Variants in CIZ1 observed in about 807,000 individuals in gnomAD.
The protein encoded by CIZ1 is CDKN1A interacting zinc finger protein 1, also known as cip1-interacting zinc finger protein.
A neutral mutation model predicts 118.6 loss-of-function variants in CIZ1; 58 were observed. The ratio of observed to expected loss-of-function variants is 0.49; its 90% CI spans 0.40 to 0.61. The LOEUF is 0.61. Ranked by LOEUF, CIZ1 falls within the 20% of genes least tolerant of loss-of-function variation. CIZ1 has a pLI of 0.00. For synonymous variants in CIZ1, 448 were observed against 443.4 expected (o/e 1.01, Z -0.13); for missense variants, 921 against 1,115.9 (o/e 0.83, Z 2.49).
chr9:128,184,028 A>C (rs1328754392), intron 5 of CIZ1, among the ~76,000 whole-genome samples: 1 of 152,236 alleles, frequency 6.6e-6, no homozygotes, highest in Non-Finnish European at 1.5e-5. Context: ...TCAGCCTCCC[A>C]AAGTGTTGGG....
chr9:128,182,308 C>T, intron 5 of CIZ1, among the ~76,000 whole-genome samples: 1 of 152,148 alleles, frequency 6.6e-6, no homozygotes, highest in Non-Finnish European at 1.5e-5. Context: ...TCTCTCGTCG[C>T]CGCACACAGG....
At chr9:128,171,911 A>G (rs536064737) in intron 11 of CIZ1, among the ~76,000 whole-genome samples, 4 of 152,016 alleles carry the variant, frequency 2.6e-5, no homozygotes, top group Non-Finnish European at 5.9e-5. Flanking sequence ...ATGTTGAAAG[A>G]TATAAGAAAA....
At position 128,169,120 on chromosome 9, in the gene CIZ1, C is replaced by T. The variant is rs761182009; in HGVS notation, c.2227G>A (p.Asp743Asn). 1 of 1,614,180 alleles carries T rather than the reference C, an allele frequency of 6.2e-7. No individual in the cohort carries two copies. Among genetic ancestry groups the T allele is most frequent in the Non-Finnish European group, 8.5e-7 (1 of 1,180,006 alleles). The change falls in exon 14 of 17, where the codon GAT becomes AAT. Residue 743 changes from aspartate (D) to asparagine (N), a missense_variant. By Grantham distance (23) the Asp-to-Asn change is conservative. Coordinates refer to ENST00000372938, the MANE Select transcript of CIZ1 (RefSeq NM_001131016.2). ...TCATCATCCTCTTCCTCTTCTTCAT[C>T]ACCCTCGAAGCAACCCACAGCGTCC... is the stretch of plus-strand genomic sequence containing the variant. ...TVDAVGCFEG[D>N]EEEEEDDEDE...
At chr9:128,200,324 A>G (rs1833481429) in intron 1 of CIZ1, 1 of 152,066 alleles carries the variant, frequency 6.6e-6, no homozygotes, top group Non-Finnish European at 1.5e-5. Flanking sequence ...GTCTGGTTTT[A>G]CAATAAGTTT....
intron 5 of CIZ1, among the ~76,000 whole-genome samples, chr9:128,184,478 G>A (rs890255068): frequency 1.4e-5 from 2 of 146,544 alleles, no homozygotes; most frequent in Admixed American, 7.2e-5. Context: ...TATTTCTACT[G>A]GGCAGTGCTG....
At chr9:128,169,548 G>A (rs1295423906) in intron 12 of CIZ1, 29 bp from the exon 13 acceptor site, 2 of 1,610,244 alleles carry the variant, frequency 1.2e-6, no homozygotes. Context: ...ACCAAGCAGT[G>A]TCCCCAGCTG....
chr9:128,174,816 G>A (rs1326853683), intron 11 of CIZ1, among the ~76,000 whole-genome samples: 2 of 152,098 alleles, frequency 1.3e-5, no homozygotes, highest in African/African-American at 4.8e-5. Flanking sequence ...GCACCACCAT[G>A]CCCAGCTAAT....
rs796681698 is a variant in CIZ1 at position 128,172,172 on chromosome 9, A to AG, written c.1944-2066_1944-2065insC. On this transcript the variant is annotated intron_variant, in intron 11 of 16. Coordinates refer to ENST00000372938, the MANE Select transcript of CIZ1 (RefSeq NM_001131016.2). ...CAAAAAAAAAAAAAAAAAAAAAAAAAAAAAAGAAAAAAGAAAAGCCAAATA... is the reference window on the plus strand; with the variant it reads ...CAAAAAAAAAAAAAAAAAAAAAAAAAGAAAAAGAAAAAAGAAAAGCCAAATA... Among the ~76,000 whole-genome samples the AG allele has an allele frequency of 2.5e-3, 305 of 121,368 alleles. 35 individuals carry two copies. The highest frequency in any genetic ancestry group is 7.6e-3 in the African/African-American group (239 of 31,638). The allele number at this position is 121,368 out of a possible 152,430, so 79.6% of individuals were successfully genotyped here. A position where few individuals can be genotyped will look rare whatever the true frequency, so the allele number is the denominator to read the frequency against.
intron 3 of CIZ1, among the ~76,000 whole-genome samples, chr9:128,188,830 C>T (rs982587211): frequency 2.0e-5 from 3 of 151,672 alleles, no homozygotes; most frequent in African/African-American, 7.3e-5. Context: ...GACAGGGTCT[C>T]GCTCTGTTGC....
At chr9:128,169,882 C>A in intron 12 of CIZ1, 138 bp downstream of exon 12, 1 of 984,734 alleles carries the variant, frequency 1.0e-6, no homozygotes, top group Non-Finnish European at 1.5e-6. Context: ...AAGACTGACT[C>A]CTCCAGAAAC....
chr9:128,191,402 C>G lies in CIZ1; in HGVS notation c.-6+30G>C, dbSNP rs996199534. On this transcript the variant is annotated intron_variant, in intron 1 of 16. Coordinates refer to ENST00000372938, the MANE Select transcript of CIZ1 (RefSeq NM_001131016.2). This position sits in a 1 kb window ranked among gnomAD's most constrained non-coding sequence, Gnocchi z 5.5. ...GACACAGCCAGCTCGCAGGCGGAGC[C>G]CCACGACCCAGCCGCCCCCGGCCCC... is the stretch of plus-strand genomic sequence containing the variant. 4.6e-6 allele frequency: 4 copies of G among 870,222 alleles called. No individual in the cohort carries two copies. Among genetic ancestry groups the G allele is most frequent in the Middle Eastern group, 5.8e-4 (1 of 1,716 alleles). 53.9% of individuals were successfully genotyped at this position (870,222 alleles called of 1,614,324 possible).
chr9:128,191,336 C>G lies in CIZ1; in HGVS notation c.-6+96G>C. On this transcript the variant is annotated intron_variant, in intron 1 of 16. Transcript: ENST00000372938. The surrounding 1 kb of genome is among the most constrained non-coding windows in gnomAD (Gnocchi z 5.5). The stretch of plus-strand genomic sequence containing the variant: ...TCCACCACCGCCACCTCCTCGCGCC[C>G]CACTCCGCCCGCTCCCACCCCGCCA... 2.6e-6 allele frequency: 1 copy of G among 381,504 alleles called. No homozygotes were observed. Among genetic ancestry groups the G allele is most frequent in the Non-Finnish European group, 3.6e-6 (1 of 274,060 alleles). The allele number at this position is 381,504 out of a possible 1,614,324, so 23.6% of individuals were successfully genotyped here.
At chr9:128,190,560 G>C in intron 2 of CIZ1, 116 bp from the exon 3 acceptor site, 1 of 1,376,604 alleles carries the variant, frequency 7.3e-7, no homozygotes, top group Middle Eastern at 2.2e-4. Context: ...GGACCCCTTG[G>C]GGCTGGAATT....
At chr9:128,195,085 G>A (rs1299322720), upstream of CIZ1, among the ~76,000 whole-genome samples, 1 of 152,076 alleles carries the variant, frequency 6.6e-6, no homozygotes, top group Non-Finnish European at 1.5e-5. Flanking sequence ...GTCTCCTGAA[G>A]TGCTGAGATT....
intron 4 of CIZ1, 40 bp from the exon 5 acceptor site, chr9:128,185,816 G>T (rs772888143): frequency 2.1e-6 from 3 of 1,452,580 alleles, no homozygotes; most frequent in Admixed American, 1.8e-5. Flanking sequence ...TCACAATGTG[G>T]TCGGGTGGCA....
chr9:128,166,796 G>A lies in CIZ1; in HGVS notation c.2450C>T (p.Ser817Phe). The change falls in exon 16 of 17, where the codon TCC (serine) becomes TTC (phenylalanine). Residue 817 changes from serine (S) to phenylalanine (F), a missense_variant. Coordinates refer to ENST00000372938, the MANE Select transcript of CIZ1 (RefSeq NM_001131016.2). This position sits in a 1 kb window ranked among gnomAD's most constrained non-coding sequence, Gnocchi z 4.4. ...FYHSNSGAQL[S>F]HCKSLGHFEN... The stretch of plus-strand genomic sequence containing the variant: ...AAAGTGGCCCAGGGACTTGCAGTGG[G>A]AGAGCTGTGCCCCTGAGTTGCTGTG... 1 of 1,614,184 alleles carries A rather than the reference G, an allele frequency of 6.2e-7. No homozygotes were observed. Among genetic ancestry groups the A allele is most frequent in the Non-Finnish European group, 8.5e-7 (1 of 1,180,020 alleles).
Position 128,166,889 on chromosome 9 carries a change from T to C in CIZ1, c.2366-9A>G, listed in dbSNP as rs1424839221. On this transcript the variant is annotated splice_polypyrimidine_tract_variant and intron_variant, in intron 15 of 16. Coordinates refer to ENST00000372938, the MANE Select transcript of CIZ1 (RefSeq NM_001131016.2). This position sits in a 1 kb window ranked among gnomAD's most constrained non-coding sequence, Gnocchi z 4.4. ...CACCAGGAAGTCCACACCTGTAGGA[T>C]GGGATGGCAGGGTCTGCACTCACAT... is the stretch of plus-strand genomic sequence containing the variant. The C allele has an allele frequency of 6.2e-7, 1 of 1,614,160 alleles. No homozygotes were observed. The highest frequency in any genetic ancestry group is 8.5e-7 in the Non-Finnish European group (1 of 1,180,006).
rs1829399962 is a variant in CIZ1, at chr9:128,166,262, T to G, written c.2632A>C (p.Ser878Arg). ...SQPNTQDKTP[S>R]KVTARPSQPP... ...TGGGAGGGTCGAGCCGTCACCTTGC[T>G]GGGTGTTTTGTCCTGGGTGTTGGGC... Residue 878 changes from serine (S) to arginine (R), a missense_variant, in exon 17 of 17, where the codon AGC (serine) becomes CGC (arginine). Ser to Arg is a moderately radical substitution (Grantham distance 110). Transcript: ENST00000372938. The surrounding 1 kb of genome is among the most constrained non-coding windows in gnomAD (Gnocchi z 4.4). The G allele has an allele frequency of 8.1e-7, 1 of 1,228,272 alleles. No homozygotes were observed. Among genetic ancestry groups the G allele is most frequent in the Non-Finnish European group, 1.1e-6 (1 of 932,476 alleles). The allele number at this position is 1,228,272 out of a possible 1,614,324, so 76.1% of individuals were successfully genotyped here. A position where few individuals can be genotyped will look rare whatever the true frequency, so the allele number is the denominator to read the frequency against.
In CIZ1 at chr9:128,203,728, G is replaced by A. The variant is rs1833641188; in HGVS notation, c.-6+458C>T. The A allele has an allele frequency of 1.7e-6, 2 of 1,177,322 alleles. No individual in the cohort carries two copies. The highest frequency in any genetic ancestry group is 2.1e-6 in the Non-Finnish European group (2 of 934,522). 72.9% of individuals were successfully genotyped at this position (1,177,322 alleles called of 1,614,324 possible). ...ACGGCGCGGCGACCTCGCAGCCCCC[G>A]ACGCTGCACCCGCGGCCGGCGCGCC... On this transcript the variant is annotated intron_variant, in intron 1 of 17. Coordinates refer to the CIZ1 transcript ENST00000372948. The surrounding 1 kb of genome is among the most constrained non-coding windows in gnomAD (Gnocchi z 5.3).
Sources: allele counts gnomAD v4.1 joint callset (sites outside exome capture counted in the v4.1 genomes callset), GRCh38; gene constraint gnomAD v4.1.1; non-coding constraint Gnocchi (gnomAD v3.1); transcripts MANE v1.5; gene names NCBI Gene and HGNC (gene_info 2026-07-23, HGNC 2026-07-21).